Variants in ITSN2 observed in about 807,000 individuals in gnomAD.
ITSN2 encodes intersectin 2.
In ITSN2, 156 loss-of-function variants were observed where a neutral mutation model predicts 243.7. The observed-to-expected ratio is 0.64, with a 90% CI of 0.56 to 0.73. The LOEUF is 0.73. Among genes scored for constraint, ITSN2 ranks in the 30% least tolerant of loss-of-function variants. The probability of loss-of-function intolerance (pLI) is 0.00; values close to 1 mark genes in which losing one functional copy is unlikely to be tolerated. For missense variants in ITSN2, 1,801 were observed against 1,996.1 expected (o/e 0.90, Z 1.86); for synonymous variants, 703 against 699.9 (o/e 1.00, Z -0.07).
intron 23 of ITSN2, among the ~76,000 whole-genome samples, chr2:24,256,080 C>G (rs1476030995): frequency 6.6e-6 from 1 of 151,802 alleles, no homozygotes; most frequent in East Asian, 1.9e-4. Flanking sequence ...AAAAATTAGC[C>G]GGGCATGGTG....
chr2:24,296,006 C>CA (rs1460687133), intron 13 of ITSN2, among the ~76,000 whole-genome samples: 3 of 152,122 alleles, frequency 2.0e-5, no homozygotes, highest in African/African-American at 7.2e-5. Flanking sequence ...ACATCATTCT[C>CA]AGAGTGCAAG....
chr2:24,294,358 A>T (rs1343727097), intron 14 of ITSN2, among the ~76,000 whole-genome samples: 1 of 152,218 alleles, frequency 6.6e-6, no homozygotes, highest in African/African-American at 2.4e-5. Flanking sequence ...CCTGGGAGGC[A>T]GAAGTTGCAG....
In ITSN2 at chr2:24,298,707, T is replaced by C; in HGVS notation, c.1452A>G (p.Leu484=). Residue 484 remains leucine (L), a synonymous_variant, in exon 13 of 40, where the codon TTA becomes TTG. Coordinates refer to ENST00000355123, the MANE Select transcript of ITSN2 (RefSeq NM_006277.3). ...GATGAAGATTCTTCTTTTTAGAGTT[T>C]AACCTGACAATTTCTTCTTGTTCTC... ...KNREQEEIVR[L]NSKKKNLHLE... The C allele has an allele frequency of 6.2e-7, 1 of 1,611,708 alleles. No individual in the cohort carries two copies.
intron 29 of ITSN2, among the ~76,000 whole-genome samples, chr2:24,226,836 T>C (rs1027303306): frequency 3.9e-5 from 6 of 152,236 alleles, no homozygotes; most frequent in African/African-American, 1.4e-4. Context: ...CATTTAACAT[T>C]ATTTTCAGAT....
At chr2:24,206,527 G>A (rs1668900074) in intron 37 of ITSN2, among the ~76,000 whole-genome samples, 1 of 151,980 alleles carries the variant, frequency 6.6e-6, no homozygotes, top group Non-Finnish European at 1.5e-5. Flanking sequence ...TGTGGAGGCT[G>A]GAGAAGAATG....
At chr2:24,343,689 C>T (rs1156906867) in intron 1 of ITSN2, among the ~76,000 whole-genome samples, 1 of 152,108 alleles carries the variant, frequency 6.6e-6, no homozygotes, top group Admixed American at 6.6e-5. Flanking sequence ...CCTATAAAGT[C>T]TCTCAATACA....
chr2:24,275,106 A>G (rs1322433078), intron 18 of ITSN2, among the ~76,000 whole-genome samples: 1 of 152,252 alleles, frequency 6.6e-6, no homozygotes, highest in Non-Finnish European at 1.5e-5. Context: ...ATATACAATT[A>G]AGTATTCTGC....
At chr2:24,223,754 AAGGGG>A (rs70944729) in intron 29 of ITSN2, among the ~76,000 whole-genome samples, 561 of 136,742 alleles carry the variant, frequency 4.1e-3, no homozygotes, top group Non-Finnish European at 6.8e-3. Flanking sequence ...GGGGAAAGGG[AAGGGG>A]AGGGGAGGGG....
intron 6 of ITSN2, 23 bp from the exon 7 acceptor site, chr2:24,310,403 A>G: frequency 6.2e-7 from 1 of 1,609,382 alleles, no homozygotes; most frequent in Non-Finnish European, 8.5e-7. Flanking sequence ...AAGAAGGAAA[A>G]GTATGAAAGA....
chr2:24,328,236 C>A, intron 1 of ITSN2, 121 bp from the exon 2 acceptor site: 2 of 645,452 alleles, frequency 3.1e-6, no homozygotes, highest in Non-Finnish European at 2.7e-6. Context: ...GAAAACAATG[C>A]AGAGCTTCTG....
chr2:24,258,034 A>C lies in ITSN2; in HGVS notation c.2742T>G (p.Asp914Glu). 6.2e-7 allele frequency: 1 copy of C among 1,614,150 alleles called. No individual in the cohort carries two copies. Among genetic ancestry groups the C allele is most frequent in the African/African-American group, 1.3e-5 (1 of 75,058 alleles). ...CATGTTTTGAGAAGTTCAAGTGGTT[A>C]TCTTTCTTTGCAGTCCAGGAACAAA... ...QALCSWTAKKDNHLNFSKHDI... is the reference protein window; with the variant it reads ...QALCSWTAKKENHLNFSKHDI... The change falls in exon 23 of 40, where the codon GAT becomes GAG. Residue 914 changes from aspartate (D) to glutamate (E), a missense_variant. By Grantham distance (45) the Asp-to-Glu change is conservative (BLOSUM62 2). Transcript: ENST00000355123.
At chr2:24,329,241 T>C (rs1245373744) in intron 1 of ITSN2, among the ~76,000 whole-genome samples, 4 of 106,204 alleles carry the variant, frequency 3.8e-5, no homozygotes, top group Admixed American at 1.1e-4. Flanking sequence ...TGAATCTTTT[T>C]GTGGGTCTGT....
chr2:24,334,700 A>C (rs1219886781), intron 1 of ITSN2: 15 of 1,584,752 alleles, frequency 9.5e-6, no homozygotes, highest in Non-Finnish European at 1.3e-5. Flanking sequence ...TAAAACTACA[A>C]AGAAGATTGT....
At chr2:24,320,290 A>C (rs928830875) in intron 2 of ITSN2, among the ~76,000 whole-genome samples, 1 of 150,482 alleles carries the variant, frequency 6.6e-6, no homozygotes, top group Non-Finnish European at 1.5e-5. Flanking sequence ...GAGGCCGAGG[A>C]GGGTGGATCA....
intron 1 of ITSN2, among the ~76,000 whole-genome samples, chr2:24,328,572 C>T (rs1036966647): frequency 6.6e-6 from 1 of 151,930 alleles, no homozygotes. Flanking sequence ...AAGCAATTCT[C>T]ATACCTTGGC....
chr2:24,209,715 G>A (rs1669280041), intron 35 of ITSN2, 103 bp downstream of exon 35: 1 of 872,414 alleles, frequency 1.1e-6, no homozygotes. Flanking sequence ...AACCAGGTGA[G>A]GAGGGTCCCG....
At chr2:24,301,316 T>G in intron 10 of ITSN2, 77 bp from the exon 11 acceptor site, 1 of 760,344 alleles carries the variant, frequency 1.3e-6, no homozygotes, top group Non-Finnish European at 2.2e-6. Context: ...CTACCAGTGA[T>G]TATGGCAATT....
At chr2:24,240,801 AT>A (rs1672639150) in intron 29 of ITSN2, 1 of 152,308 alleles carries the variant, frequency 6.6e-6, no homozygotes, top group African/African-American at 2.4e-5. Context: ...GTTTGTAAAC[AT>A]TTTAAGTTGC....
At chr2:24,310,449 T>C in intron 6 of ITSN2, 40 bp downstream of exon 6, 1 of 1,608,834 alleles carries the variant, frequency 6.2e-7, no homozygotes, top group Non-Finnish European at 8.5e-7. Context: ...AGTTTCTTTC[T>C]TTACATGAAA....
Sources: allele counts gnomAD v4.1 joint callset (sites outside exome capture counted in the v4.1 genomes callset), GRCh38; gene constraint gnomAD v4.1.1; transcripts MANE v1.5; gene names NCBI Gene and HGNC (gene_info 2026-07-23, HGNC 2026-07-21).